The following NPC1 variants were observed in gnomAD, a reference collection of about 807,000 sequenced individuals.
The protein encoded by NPC1 is Niemann-Pick C1 protein.
In NPC1, 85 loss-of-function variants were observed where a neutral mutation model predicts 140.4. That is an observed-to-expected ratio of 0.61 (90% CI 0.51 to 0.72). The LOEUF (loss-of-function observed/expected upper bound fraction) is 0.72, where lower values mean the gene tolerates loss of function less well. NPC1 is among the 30% of genes least tolerant of loss of function. The pLI is 0.00. For missense variants in NPC1, 1,504 were observed against 1,623.8 expected (o/e 0.93, Z 1.27); for synonymous variants, 656 against 624.8 (o/e 1.05, Z -0.74).
chr18:23,543,432 G>A (rs1453941886), intron 14 of NPC1, 23 bp downstream of exon 14: 1 of 1,336,202 alleles, frequency 7.5e-7, no homozygotes, highest in Non-Finnish European at 1.1e-6. Context: ...CTACAGGACT[G>A]GTAGGATTGA....
chr18:23,525,485 T>C (rs2058271446), downstream of NPC1, among the ~76,000 whole-genome samples: 1 of 151,830 alleles, frequency 6.6e-6, no homozygotes, highest in Admixed American at 6.6e-5. Context: ...AGTGCAGTGG[T>C]GCCATCTCGG....
intron 1 of NPC1, among the ~76,000 whole-genome samples, chr18:23,576,116 T>C (rs955422533): frequency 6.6e-6 from 1 of 151,566 alleles, no homozygotes; most frequent in South Asian, 2.1e-4. Context: ...CCCAGCTACT[T>C]AGGAGGCTGA....
intron 3 of NPC1, among the ~76,000 whole-genome samples, chr18:23,516,886 C>T (rs1000298366): frequency 2.0e-5 from 3 of 151,880 alleles, no homozygotes; most frequent in Admixed American, 6.6e-5. Flanking sequence ...TCACCTCGCC[C>T]GGCTAGTCTT....
At chr18:23,531,438 A>G (rs748427800), downstream of NPC1, 1 of 1,244,442 alleles carries the variant, frequency 8.0e-7, no homozygotes, top group Middle Eastern at 2.1e-4. Flanking sequence ...CAGGTTAGAT[A>G]GAATCTCTTC....
chr18:23,566,285 T>C (rs1233976252), intron 4 of NPC1, among the ~76,000 whole-genome samples: 2 of 152,104 alleles, frequency 1.3e-5, no homozygotes, highest in Admixed American at 6.5e-5. Context: ...TGGTTCCAAC[T>C]ACCCAGGGGG....
In NPC1 at chr18:23,532,324, A is replaced by AAGGG; in HGVS notation, c.3755-44_3755-41dup. 4 of 1,612,734 alleles carry AAGGG rather than the reference A, an allele frequency of 2.5e-6. 1 individual carries two copies. Among genetic ancestry groups the AAGGG allele is most frequent in the Non-Finnish European group, 3.4e-6 (4 of 1,178,762 alleles). On this transcript the variant is annotated intron_variant, in intron 24 of 24. Coordinates refer to ENST00000269228, the MANE Select transcript of NPC1 (RefSeq NM_000271.5). ...GACTTTTTCTTATTTCTGCAGGAGA[A>AAGGG]AGGGAGCTAGTTGGCTGGGCATAGT... is the stretch of plus-strand genomic sequence containing the variant.
chr18:23,563,612 C>T (rs1328194437), intron 4 of NPC1, among the ~76,000 whole-genome samples: 1 of 152,162 alleles, frequency 6.6e-6, no homozygotes, highest in African/African-American at 2.4e-5. Context: ...TGGAGTTTCA[C>T]CATGCTGCCC....
chr18:23,586,498 G>A lies in NPC1; in HGVS notation c.-155C>T, dbSNP rs975028629. On this transcript the variant is annotated 5_prime_UTR_variant, in exon 1 of 25. Transcript: ENST00000269228. ...CCGCGGCAGCAGGCTGCGCGCGCCG[G>A]TCAGGAAGGAAGAAGGCGTCGTCGG... 28 of 1,415,484 alleles carry A rather than the reference G, an allele frequency of 2.0e-5. No individual in the cohort carries two copies. The Admixed American group carries it at 2.1e-4, about 10-fold the overall frequency. The allele number at this position is 1,415,484 out of a possible 1,614,324, so 87.7% of individuals were successfully genotyped here.
intron 24 of NPC1, among the ~76,000 whole-genome samples, chr18:23,532,693 C>CTAT (rs1354151764): frequency 1.4e-5 from 1 of 70,740 alleles, no homozygotes. Context: ...AAGTGCTCAT[C>CTAT]TCTTTTTTTT....
At chr18:23,580,275 A>G (rs1336237307) in intron 1 of NPC1, among the ~76,000 whole-genome samples, 2 of 151,926 alleles carry the variant, frequency 1.3e-5, no homozygotes, top group Non-Finnish European at 2.9e-5. Flanking sequence ...TTCTCCACCC[A>G]TCCCCCTTGT....
chr18:23,533,642 G>A, intron 23 of NPC1, 125 bp from the exon 24 acceptor site: 1 of 925,046 alleles, frequency 1.1e-6, no homozygotes, highest in Non-Finnish European at 1.7e-6. Flanking sequence ...GAGTAGCTGG[G>A]ATTAAACAGG....
At chr18:23,554,642 G>A (rs1327056731) in intron 9 of NPC1, 116 bp downstream of exon 9, 1 of 758,970 alleles carries the variant, frequency 1.3e-6, no homozygotes, top group Middle Eastern at 2.3e-4. Context: ...ACTTCACAGG[G>A]CAAGGTCTTG....
intron 3 of NPC1, chr18:23,516,467 G>A: frequency 1.3e-6 from 2 of 1,585,036 alleles, no homozygotes; most frequent in Non-Finnish European, 1.7e-6. Context: ...ATTGCTTTCA[G>A]TAATATAAAT....
At chr18:23,545,605 G>A (rs1257937029) in intron 11 of NPC1, among the ~76,000 whole-genome samples, 2 of 152,156 alleles carry the variant, frequency 1.3e-5, no homozygotes, top group African/African-American at 2.4e-5. Flanking sequence ...TTTTGTTCCT[G>A]TTTTGAAATA....
At chr18:23,533,573 A>G (rs1379168990) in intron 23 of NPC1, 56 bp from the exon 24 acceptor site, 8 of 1,514,862 alleles carry the variant, frequency 5.3e-6, no homozygotes, top group Non-Finnish European at 7.3e-6. Flanking sequence ...AATTGAACAA[A>G]AACACTTCCT....
At chr18:23,527,791 C>A, downstream of NPC1, 1 of 1,611,858 alleles carries the variant, frequency 6.2e-7, no homozygotes, top group Non-Finnish European at 8.5e-7. Flanking sequence ...TTGTGCCTTT[C>A]CAGTGTTAAG....
Position 23,584,195 on chromosome 18 carries a change from G to GT in NPC1, c.57+2091dup, listed in dbSNP as rs149017904. ...GAAAAAGCAAAAATCCCCCCAACATGTATTTCAGATCTTACACAGGACAAC... is the reference window on the plus strand; with the variant it reads ...GAAAAAGCAAAAATCCCCCCAACATGTTATTTCAGATCTTACACAGGACAAC... On this transcript the variant is annotated intron_variant, in intron 1 of 24. Transcript: ENST00000269228. Among the ~76,000 whole-genome samples, 380 of 152,328 alleles carry GT rather than the reference G, an allele frequency of 2.5e-3. 3 individuals are homozygous for GT. The highest frequency in any genetic ancestry group is 9.0e-3 in the African/African-American group (373 of 41,570).
intron 14 of NPC1, among the ~76,000 whole-genome samples, chr18:23,542,892 T>C (rs187577536): frequency 2.0e-5 from 3 of 152,288 alleles, no homozygotes; most frequent in African/African-American, 7.2e-5. Context: ...TCTAGGTCTC[T>C]TTCACCCTGA....
At position 23,556,268 on chromosome 18, in the gene NPC1, G is replaced by A. The variant is rs774333145; in HGVS notation, c.1301C>T (p.Pro434Leu). The stretch of plus-strand genomic sequence containing the variant: ...CTGGTGCAGTATCTGTATGTCAAGC[G>A]GAGGTCCAAAGGGTACATCAGCTCC... ...PSGADVPFGP[P>L]LDIQILHQVL... The change falls in exon 8 of 25, where the codon CCG (proline) becomes CTG (leucine). Residue 434 changes from proline (P) to leucine (L), a missense_variant. Pro to Leu is a moderately conservative substitution (Grantham distance 98, BLOSUM62 -3). Transcript: ENST00000269228. 3.0e-5 allele frequency: 48 copies of A among 1,613,970 alleles called. No individual in the cohort carries two copies. Among genetic ancestry groups the A allele is most frequent in the African/African-American group, 4.0e-5 (3 of 74,896 alleles).
Sources: allele counts gnomAD v4.1 joint callset (sites outside exome capture counted in the v4.1 genomes callset), GRCh38; gene constraint gnomAD v4.1.1; transcripts MANE v1.5; gene names NCBI Gene and HGNC (gene_info 2026-07-23, HGNC 2026-07-21).